The following FBN2 variants were observed in gnomAD, a reference collection of about 807,000 sequenced individuals.
FBN2 encodes fibrillin 2.
FBN2 carries 105 observed loss-of-function variants against 355.6 expected under a neutral mutation model. The observed-to-expected ratio is 0.30, with a 90% CI of 0.25 to 0.35. The LOEUF (loss-of-function observed/expected upper bound fraction) is 0.35. FBN2 is among the 10% of genes least tolerant of loss of function. The pLI, the probability that FBN2 is intolerant of heterozygous loss-of-function variation, is 1.00. For synonymous variants in FBN2, 1,350 were observed against 1,301.2 expected, an observed-to-expected ratio of 1.04 and a Z score of -0.81; for missense variants, 3,280 against 3,758.7, an observed-to-expected ratio of 0.87 and a Z score of 3.33.
chr5:128,407,039 T>C (rs1338333010), intron 8 of FBN2, among the ~76,000 whole-genome samples: 2 of 152,110 alleles, frequency 1.3e-5, no homozygotes, highest in Admixed American at 1.3e-4. Context: ...GACATGAGGC[T>C]CCCAACAGAC....
intron 5 of FBN2, among the ~76,000 whole-genome samples, chr5:128,511,175 T>C (rs1756119481): frequency 6.6e-6 from 1 of 152,346 alleles, no homozygotes; most frequent in South Asian, 2.1e-4. Context: ...AACTTTAATC[T>C]AGCAGACATG....
chr5:128,521,890 T>C (rs2112791291), intron 4 of FBN2, among the ~76,000 whole-genome samples: 1 of 152,334 alleles, frequency 6.6e-6, no homozygotes, highest in East Asian at 1.9e-4. Context: ...CCTAATCTAA[T>C]CTGTCTAGGT....
At chr5:128,485,687 C>T (rs980199686) in intron 5 of FBN2, among the ~76,000 whole-genome samples, 4 of 151,878 alleles carry the variant, frequency 2.6e-5, no homozygotes, top group Non-Finnish European at 4.4e-5. Context: ...TTCATGAGGG[C>T]GGTTACACTC....
chr5:128,366,419 C>G lies in FBN2; in HGVS notation c.2260G>C (p.Gly754Arg), dbSNP rs145259927. 3 of 1,603,218 alleles carry G rather than the reference C, an allele frequency of 1.9e-6. No individual in the cohort carries two copies. Among genetic ancestry groups the G allele is most frequent in the Non-Finnish European group, 1.7e-6 (2 of 1,171,692 alleles). The change falls in exon 17 of 65, where the codon GGC becomes CGC. Residue 754 changes from glycine (G) to arginine (R), a missense_variant. This residue lies in a region of FBN2 where 2,284 missense variants were observed against 2,749.5 expected (regional missense o/e 0.83). Transcript: ENST00000262464. The stretch of plus-strand genomic sequence containing the variant: ...ATACCTACTCCACTACTACAAAGGC[C>G]GTGGAATTCAGCTGTATGACAAAAA... ...CPAKNSAEFH[G>R]LCSSGVGITV...
At chr5:128,323,580 T>G (rs1429772857) in intron 34 of FBN2, among the ~76,000 whole-genome samples, 1 of 152,244 alleles carries the variant, frequency 6.6e-6, no homozygotes, top group African/African-American at 2.4e-5. Flanking sequence ...TCTGTTTATG[T>G]GATGGATTAC....
At chr5:128,449,640 A>G (rs535001336) in intron 6 of FBN2, among the ~76,000 whole-genome samples, 3 of 151,750 alleles carry the variant, frequency 2.0e-5, no homozygotes, top group African/African-American at 7.2e-5. Context: ...AGAGAAAAAG[A>G]GTAACAAAGA....
At chr5:128,276,700 ACTCC>A (rs1368591052) in intron 58 of FBN2, among the ~76,000 whole-genome samples, 1 of 150,944 alleles carries the variant, frequency 6.6e-6, no homozygotes, top group Admixed American at 6.6e-5. Context: ...TATTTCCTCA[ACTCC>A]CTCCCTGCAA....
At chr5:128,262,812 C>A (rs1581172211) in intron 63 of FBN2, among the ~76,000 whole-genome samples, 1 of 152,200 alleles carries the variant, frequency 6.6e-6, no homozygotes, top group Non-Finnish European at 1.5e-5. Context: ...TTACTGAGCA[C>A]CACGGCCTTC....
In FBN2 at chr5:128,446,477, T is replaced by C. The variant is rs1423904018; in HGVS notation, c.952+4A>G. The C allele has an allele frequency of 6.2e-7, 1 of 1,613,542 alleles. No homozygotes were observed. The highest frequency in any genetic ancestry group is 8.5e-7 in the Non-Finnish European group (1 of 1,179,726). The stretch of plus-strand genomic sequence containing the variant: ...GGCATGCTTCCCAAAGTAGAGAGAC[T>C]CACCTTCACATTTCTGAGTAGTTTC... On this transcript the variant is annotated splice_donor_region_variant and intron_variant, in intron 7 of 64. Transcript: ENST00000262464.
At chr5:128,371,370 T>C (rs1326029488) in intron 15 of FBN2, among the ~76,000 whole-genome samples, 2 of 152,130 alleles carry the variant, frequency 1.3e-5, no homozygotes, top group Non-Finnish European at 2.9e-5. Flanking sequence ...TGGACCTAAA[T>C]GCATCTTTTC....
At chr5:128,486,691 T>G (rs1755345845) in intron 5 of FBN2, among the ~76,000 whole-genome samples, 1 of 152,162 alleles carries the variant, frequency 6.6e-6, no homozygotes, top group Non-Finnish European at 1.5e-5. Flanking sequence ...GTTACATATG[T>G]ATACATGTGC....
At chr5:128,524,247 A>G (rs1445464843) in intron 4 of FBN2, among the ~76,000 whole-genome samples, 1 of 152,136 alleles carries the variant, frequency 6.6e-6, no homozygotes, top group Non-Finnish European at 1.5e-5. Flanking sequence ...TTAAAGGCAC[A>G]GACTCGGATC....
At chr5:128,369,834 T>C (rs979774119) in intron 15 of FBN2, among the ~76,000 whole-genome samples, 10 of 152,334 alleles carry the variant, frequency 6.6e-5, no homozygotes, top group Non-Finnish European at 1.0e-4. Flanking sequence ...CCCAGGATAC[T>C]GCTTGTGACT....
chr5:128,535,525 T>C (rs974617104), intron 2 of FBN2, among the ~76,000 whole-genome samples: 1 of 152,166 alleles, frequency 6.6e-6, no homozygotes, highest in Non-Finnish European at 1.5e-5. Flanking sequence ...ACAAATGTGG[T>C]TGTGCTACAT....
intron 30 of FBN2, 147 bp downstream of exon 30, chr5:128,335,023 T>C: frequency 7.7e-7 from 1 of 1,291,664 alleles, no homozygotes; most frequent in South Asian, 1.3e-5. Context: ...TAAAAGTAAT[T>C]CTTCCTGAGA....
At chr5:128,283,947 A>G (rs1749058711) in intron 55 of FBN2, among the ~76,000 whole-genome samples, 1 of 152,150 alleles carries the variant, frequency 6.6e-6, no homozygotes, top group East Asian at 1.9e-4. Context: ...CAATCTGTTG[A>G]TTATTTCCAA....
In FBN2 at chr5:128,335,977, T is replaced by C. The variant is rs886059900; in HGVS notation, c.3724+11A>G. 1.2e-6 allele frequency: 2 copies of C among 1,613,708 alleles called. No individual in the cohort carries two copies. The highest frequency in any genetic ancestry group is 1.7e-5 in the Admixed American group (1 of 59,990). On this transcript the variant is annotated intron_variant, in intron 28 of 64. Coordinates refer to ENST00000262464, the MANE Select transcript of FBN2 (RefSeq NM_001999.4). ...ACATATGAGTTTCAGGCCTGCTTGG[T>C]CTCCCCTTACCTGTACAGCCCTGGC... is the stretch of plus-strand genomic sequence containing the variant.
At chr5:128,339,128 T>G in intron 25 of FBN2, 67 bp from the exon 26 acceptor site, 1 of 1,540,962 alleles carries the variant, frequency 6.5e-7, no homozygotes, top group Non-Finnish European at 9.0e-7. Context: ...CAAGCGAAGG[T>G]GCTGCATGCT....
chr5:128,409,455 C>T (rs1753010978), intron 7 of FBN2, among the ~76,000 whole-genome samples: 1 of 152,134 alleles, frequency 6.6e-6, no homozygotes, highest in African/African-American at 2.4e-5. Flanking sequence ...TATTTCCTTT[C>T]CCATTAATGA....
Sources: gnomAD v4.1 joint callset for allele counts (sites outside exome capture counted in the v4.1 genomes callset) on GRCh38, gnomAD v4.1.1 for gene constraint, gnomAD v4.1.1 regional missense constraint, MANE v1.5 for transcripts, NCBI Gene and HGNC (gene_info 2026-07-23, HGNC 2026-07-21) for gene names.